The following TENT5D variants were observed in gnomAD, a reference collection of about 807,000 sequenced individuals.
TENT5D encodes the protein cancer/testis antigen 112.
For synonymous variants in TENT5D, 103 were observed against 100.6 expected (o/e 1.02, Z -0.15); for missense variants, 191 against 287.0 (o/e 0.67, Z 2.42).
intron 3 of TENT5D, among the ~76,000 whole-genome samples, chrX:80,350,392 C>T (rs181118026): frequency 0.01 from 1,123 of 111,493 alleles, 7 homozygotes; most frequent in Middle Eastern, 0.042. Flanking sequence ...ACCCCTTTTC[C>T]ATTACATAAT....
At chrX:80,395,381 C>G (rs1277673673) in intron 3 of TENT5D, among the ~76,000 whole-genome samples, 1 of 111,332 alleles carries the variant, frequency 9.0e-6, no homozygotes, top group Non-Finnish European at 1.9e-5. Flanking sequence ...ATATATATAC[C>G]CAGTAGTGGG....
intron 3 of TENT5D, among the ~76,000 whole-genome samples, chrX:80,371,865 T>G (rs943631506): frequency 3.6e-5 from 4 of 111,824 alleles, no homozygotes; most frequent in African/African-American, 1.3e-4. Context: ...GCATTCACAT[T>G]TCTTATCACT....
At chrX:80,417,195 A>T (rs1383308705), upstream of TENT5D, among the ~76,000 whole-genome samples, 1 of 110,383 alleles carries the variant, frequency 9.1e-6, no homozygotes, top group Non-Finnish European at 1.9e-5. Flanking sequence ...TCTGGGTGTC[A>T]TTATATGTGA....
At chrX:80,417,446 T>G (rs1471198394), upstream of TENT5D, among the ~76,000 whole-genome samples, 2 of 110,095 alleles carry the variant, frequency 1.8e-5, no homozygotes, top group Admixed American at 9.7e-5. Context: ...AATAGTTTTT[T>G]TTTTTTTTTT....
At chrX:80,443,636 T>C in exon 3 of TENT5D, 1 of 1,209,278 alleles carries the variant, frequency 8.3e-7, no homozygotes, top group Non-Finnish European at 1.1e-6. Flanking sequence ...ATTTATGTAA[T>C]ACCTGAGCCA....
chrX:80,410,448 C>G (rs1272760376), intron 3 of TENT5D, among the ~76,000 whole-genome samples: 1 of 82,845 alleles, frequency 1.2e-5, no homozygotes, highest in Non-Finnish European at 2.4e-5. Context: ...TGAACAGACA[C>G]TTCTCAAAAG....
rs185991106 is a variant in TENT5D at position 80,431,002 on chromosome X, T to A, written c.-141-7608T>A. Among the ~76,000 whole-genome samples, 123 of 111,646 alleles carry A rather than the reference T, an allele frequency of 1.1e-3. 1 individual carries two copies. Among genetic ancestry groups the A allele is most frequent in the Middle Eastern group, 9.2e-3 (2 of 218 alleles). ...AAGACTCTTTAACAGAGGGAGTGTTTTAATACTATCTCTGGCTTCCCTTCC... is the reference window on the plus strand; with the variant it reads ...AAGACTCTTTAACAGAGGGAGTGTTATAATACTATCTCTGGCTTCCCTTCC... On this transcript the variant is annotated intron_variant, in intron 1 of 2. Coordinates refer to ENST00000308293, the Ensembl canonical transcript of TENT5D.
chrX:80,366,566 A>G (rs1930515960), intron 3 of TENT5D, among the ~76,000 whole-genome samples: 1 of 111,501 alleles, frequency 9.0e-6, no homozygotes, highest in Non-Finnish European at 1.9e-5. Flanking sequence ...TAGCATAACA[A>G]ATAAGCAGTT....
intron 2 of TENT5D, among the ~76,000 whole-genome samples, chrX:80,341,620 G>T (rs1929957677): frequency 9.0e-6 from 1 of 111,633 alleles, no homozygotes; most frequent in East Asian, 2.8e-4. Flanking sequence ...GATCTAGGTT[G>T]GTAGTATGCT....
chrX:80,440,643 T>A (rs1207953443), intron 2 of TENT5D, among the ~76,000 whole-genome samples: 1 of 110,805 alleles, frequency 9.0e-6, no homozygotes, highest in East Asian at 2.8e-4. Context: ...ACCATTGAAT[T>A]TTTTAAAATT....
chrX:80,412,101 G>A (rs950495801), intron 3 of TENT5D, among the ~76,000 whole-genome samples: 1 of 112,726 alleles, frequency 8.9e-6, no homozygotes. Flanking sequence ...TAACTTCTGT[G>A]CACCTGCAGG....
At chrX:80,434,252 G>T in intron 1 of TENT5D, among the ~76,000 whole-genome samples, 1 of 108,220 alleles carries the variant, frequency 9.2e-6, no homozygotes. Flanking sequence ...GCACTAACAT[G>T]GAAAGTATAT....
chrX:80,385,061 G>GA (rs1285515097), intron 3 of TENT5D, among the ~76,000 whole-genome samples: 1 of 111,100 alleles, frequency 9.0e-6, no homozygotes, highest in Non-Finnish European at 1.9e-5. Flanking sequence ...CACAGAATTG[G>GA]AAAAAACTAC....
chrX:80,391,298 A>G (rs1260858144), intron 3 of TENT5D, among the ~76,000 whole-genome samples: 1 of 111,725 alleles, frequency 9.0e-6, no homozygotes, highest in Admixed American at 9.5e-5. Flanking sequence ...GCTGCGATAT[A>G]CTAGGGAGGT....
intron 3 of TENT5D, among the ~76,000 whole-genome samples, chrX:80,405,165 A>ATATT (rs1292683538): frequency 9.8e-5 from 11 of 112,578 alleles, no homozygotes; most frequent in Non-Finnish European, 1.9e-4. Flanking sequence ...AGACACAATA[A>ATATT]AAGTTGAACT....
chrX:80,422,698 T>C (rs752147215), intron 1 of TENT5D, among the ~76,000 whole-genome samples: 2 of 110,918 alleles, frequency 1.8e-5, no homozygotes, highest in Non-Finnish European at 3.8e-5. Context: ...TGGGTTTTTT[T>C]TGTTAGTAAA....
intron 3 of TENT5D, among the ~76,000 whole-genome samples, chrX:80,364,343 C>G (rs1341240686): frequency 3.6e-5 from 4 of 111,949 alleles, no homozygotes; most frequent in Non-Finnish European, 7.5e-5. Context: ...TATTTGCCCA[C>G]TTTGTCAAAC....
chrX:80,365,118 G>GT (rs1930481661), intron 3 of TENT5D, among the ~76,000 whole-genome samples: 1 of 110,613 alleles, frequency 9.0e-6, no homozygotes, highest in East Asian at 2.8e-4. Flanking sequence ...GACAAGGGTT[G>GT]TTTTTTCTTC....
At chrX:80,417,440 G>GT (rs57010295), upstream of TENT5D, among the ~76,000 whole-genome samples, 300 of 92,616 alleles carry the variant, frequency 3.2e-3, 1 homozygote, top group South Asian at 7.6e-3. Flanking sequence ...GCTGGTAATA[G>GT]TTTTTTTTTT....
Sources: gnomAD v4.1 joint callset for allele counts (sites outside exome capture counted in the v4.1 genomes callset) on GRCh38, gnomAD v4.1.1 for gene constraint, MANE v1.5 for transcripts, NCBI Gene and HGNC (gene_info 2026-07-23, HGNC 2026-07-21) for gene names.